TTC39B: variants seen among roughly 807,000 people sequenced by gnomAD.
TTC39B encodes tetratricopeptide repeat domain 39B.
TTC39B carries 92 observed loss-of-function variants against 96.6 expected under a neutral mutation model. The ratio of observed to expected loss-of-function variants is 0.95; its 90% confidence interval spans 0.80 to 1.13. The LOEUF is 1.13. TTC39B is among the 50% of genes most tolerant of loss of function. The probability of loss-of-function intolerance (pLI) is 0.00; values close to 1 mark genes in which losing one functional copy is unlikely to be tolerated. For synonymous variants in TTC39B, 367 were observed against 299.4 expected (o/e 1.23, Z -2.33); for missense variants, 955 against 809.3 (o/e 1.18, Z -2.18).
intron 14 of TTC39B, 32 bp from the exon 15 acceptor site, chr9:15,187,067 A>C (rs762125419): frequency 6.6e-7 from 1 of 1,508,958 alleles, no homozygotes. Flanking sequence ...ATTACAGAAC[A>C]TCCCTAGGTA....
chr9:15,174,911 A>C (rs1223704750), intron 19 of TTC39B, 108 bp downstream of exon 19: 1 of 744,304 alleles, frequency 1.3e-6, no homozygotes, highest in African/African-American at 1.7e-5. Context: ...CATTATTACT[A>C]ATTTGACATT....
intron 1 of TTC39B, among the ~76,000 whole-genome samples, chr9:15,270,224 C>A (rs1279552007): frequency 1.3e-5 from 2 of 151,916 alleles, no homozygotes; most frequent in African/African-American, 2.4e-5. Context: ...GAGTTTGGGA[C>A]CCTGACCTAT....
intron 9 of TTC39B, among the ~76,000 whole-genome samples, chr9:15,191,867 A>AGAGGTCTG (rs1468174494): frequency 6.6e-6 from 1 of 152,236 alleles, no homozygotes; most frequent in Non-Finnish European, 1.5e-5. Context: ...TTGGTGACAA[A>AGAGGTCTG]GAGGTCTGGG....
chr9:15,252,038 G>A (rs1262239958), intron 2 of TTC39B, among the ~76,000 whole-genome samples: 2 of 151,970 alleles, frequency 1.3e-5, no homozygotes, highest in Admixed American at 6.6e-5. Flanking sequence ...AATATCATGT[G>A]CGCTGTACTA....
At chr9:15,269,472 T>C (rs946770496) in intron 1 of TTC39B, among the ~76,000 whole-genome samples, 2 of 152,230 alleles carry the variant, frequency 1.3e-5, no homozygotes, top group African/African-American at 2.4e-5. Context: ...TAGGGATCTT[T>C]TCCCTTGTGT....
intron 1 of TTC39B, among the ~76,000 whole-genome samples, chr9:15,300,637 G>A (rs1043373202): frequency 5.3e-5 from 8 of 152,152 alleles, no homozygotes; most frequent in Non-Finnish European, 1.2e-4. Context: ...TGTAATCCCA[G>A]CACTTTGGGA....
intron 3 of TTC39B, chr9:15,224,235 G>C (rs1374728772): frequency 6.6e-6 from 1 of 152,400 alleles, no homozygotes; most frequent in African/African-American, 2.4e-5. Flanking sequence ...ATGAGCTAAA[G>C]GTCTCCAATG....
At chr9:15,284,191 G>T (rs1460774820) in intron 1 of TTC39B, among the ~76,000 whole-genome samples, 1 of 152,182 alleles carries the variant, frequency 6.6e-6, no homozygotes, top group Non-Finnish European at 1.5e-5. Context: ...GTGGAAATGT[G>T]CACGTAAAAA....
intron 6 of TTC39B, among the ~76,000 whole-genome samples, chr9:15,205,987 T>G (rs988829927): frequency 6.6e-6 from 1 of 152,124 alleles, no homozygotes; most frequent in Non-Finnish European, 1.5e-5. Context: ...TGCACTTGAT[T>G]CAGGAAGCAA....
Position 15,268,141 on chromosome 9 carries a change from G to A in TTC39B, c.241-193C>T, listed in dbSNP as rs1027690826. On this transcript the variant is annotated intron_variant, in intron 1 of 19. Coordinates refer to ENST00000512701, the Ensembl canonical transcript of TTC39B. ...AATCAAGCAGATGCATTTCAGTGAC[G>A]TTTAATTTTTTTTTTAATAAGGCTG... 3.3e-5 allele frequency among the ~76,000 whole-genome samples: 5 copies of A among 151,998 alleles called. No individual in the cohort carries two copies. The South Asian group carries it at 6.2e-4, about 19-fold the overall frequency.
chr9:15,237,360 G>C (rs1403774751), intron 2 of TTC39B, among the ~76,000 whole-genome samples: 1 of 151,932 alleles, frequency 6.6e-6, no homozygotes, highest in African/African-American at 2.4e-5. Flanking sequence ...TCTTCAAAAG[G>C]ATAAACCAAT....
intron 6 of TTC39B, among the ~76,000 whole-genome samples, chr9:15,206,337 G>C (rs1183117054): frequency 6.6e-6 from 1 of 152,126 alleles, no homozygotes; most frequent in African/African-American, 2.4e-5. Context: ...AGACACTCAA[G>C]GATGTAAATG....
At position 15,167,268 on chromosome 9, in the gene TTC39B, A is replaced by G. The variant is rs1235620178; in HGVS notation, c.*4751T>C. The G allele has an allele frequency of 2.5e-5, 3 of 120,416 alleles. No homozygotes were observed. The East Asian group carries it at 7.9e-4, about 32-fold the overall frequency. The allele number at this position is 120,416 out of a possible 1,614,324, so 7.5% of individuals were successfully genotyped here. A position where few individuals can be genotyped will look rare whatever the true frequency, so the allele number is the denominator to read the frequency against. ...ACTGTATTGCCCAGGCTGGCCTCAA[A>G]CCCCTGGTCCCAAGTGACGCCCCCC... On this transcript the variant is annotated 3_prime_UTR_variant, in exon 20 of 20. Transcript: ENST00000512701.
chr9:15,198,486 A>C (rs914436332), intron 8 of TTC39B, among the ~76,000 whole-genome samples: 9 of 142,866 alleles, frequency 6.3e-5, no homozygotes, highest in African/African-American at 2.1e-4. Flanking sequence ...ATATATATAT[A>C]TCATAAAGGG....
intron 2 of TTC39B, among the ~76,000 whole-genome samples, chr9:15,232,737 G>C (rs549461579): frequency 1.6e-4 from 25 of 152,192 alleles, no homozygotes; most frequent in Non-Finnish European, 3.2e-4. Flanking sequence ...GACGCCTCTG[G>C]TGTACTAAAT....
At chr9:15,277,331 G>A (rs1823582516) in intron 1 of TTC39B, among the ~76,000 whole-genome samples, 1 of 152,228 alleles carries the variant, frequency 6.6e-6, no homozygotes, top group Non-Finnish European at 1.5e-5. Flanking sequence ...GGGAGGCTGA[G>A]GCAGGAGAAT....
At chr9:15,200,253 C>A (rs1022969074) in intron 7 of TTC39B, among the ~76,000 whole-genome samples, 12 of 152,310 alleles carry the variant, frequency 7.9e-5, no homozygotes, top group Admixed American at 7.8e-4. Flanking sequence ...GAGCAATTTT[C>A]TTCTGGGTTT....
intron 1 of TTC39B, among the ~76,000 whole-genome samples, chr9:15,293,223 T>C (rs1169473123): frequency 1.3e-5 from 2 of 152,208 alleles, no homozygotes; most frequent in Non-Finnish European, 2.9e-5. Context: ...CAATAGGCCA[T>C]GCCAGAGAGC....
intron 1 of TTC39B, among the ~76,000 whole-genome samples, chr9:15,274,877 G>C (rs1177513292): frequency 1.3e-5 from 2 of 151,854 alleles, no homozygotes; most frequent in African/African-American, 4.8e-5. Flanking sequence ...CAAAACAACA[G>C]TAAAATCATC....
Sources: gnomAD v4.1 joint callset for allele counts (sites outside exome capture counted in the v4.1 genomes callset) on GRCh38, gnomAD v4.1.1 for gene constraint, MANE v1.5 for transcripts, NCBI Gene and HGNC (gene_info 2026-07-23, HGNC 2026-07-21) for gene names.